Variants in MAN1C1 observed in about 807,000 individuals in gnomAD.
The protein encoded by MAN1C1 is mannosyl-oligosaccharide 1,2-alpha-mannosidase IC.
MAN1C1 carries 49 observed loss-of-function variants against 71.5 expected under a neutral mutation model. The ratio of observed to expected loss-of-function variants is 0.69; its 90% CI spans 0.54 to 0.87. The LOEUF is 0.87. Among genes scored for constraint, MAN1C1 ranks in the 40% least tolerant of loss-of-function variants. MAN1C1 has a pLI of 0.00. For synonymous variants in MAN1C1, 352 were observed against 343.7 expected (o/e 1.02, Z -0.27); for missense variants, 743 against 835.0 (o/e 0.89, Z 1.36).
intron 2 of MAN1C1, among the ~76,000 whole-genome samples, chr1:25,736,818 CA>C (rs2046989166): frequency 6.6e-6 from 1 of 152,220 alleles, no homozygotes; most frequent in African/African-American, 2.4e-5. Flanking sequence ...TGAGCCACTG[CA>C]CCCCGGCTCA....
At chr1:25,627,555 G>A (rs553590755) in intron 1 of MAN1C1, among the ~76,000 whole-genome samples, 27 of 152,286 alleles carry the variant, frequency 1.8e-4, no homozygotes, top group Middle Eastern at 3.4e-3. Context: ...GATTACAGGC[G>A]TGAGCCACTG....
At chr1:25,637,599 T>A (rs1462206045) in intron 1 of MAN1C1, among the ~76,000 whole-genome samples, 1 of 139,810 alleles carries the variant, frequency 7.2e-6, no homozygotes, top group Non-Finnish European at 1.6e-5. Flanking sequence ...AAACTATGTA[T>A]TTTTTTTTTT....
At chr1:25,749,415 C>A in intron 4 of MAN1C1, 80 bp downstream of exon 4, 1 of 1,247,964 alleles carries the variant, frequency 8.0e-7, no homozygotes, top group Non-Finnish European at 1.1e-6. Context: ...CCCCTCATGC[C>A]ATCCATGGGA....
At chr1:25,687,164 C>A (rs2124180083) in intron 2 of MAN1C1, among the ~76,000 whole-genome samples, 1 of 152,298 alleles carries the variant, frequency 6.6e-6, no homozygotes, top group South Asian at 2.1e-4. Flanking sequence ...TCACAAGCTA[C>A]TCGGAAGCCA....
intron 2 of MAN1C1, among the ~76,000 whole-genome samples, chr1:25,712,997 AG>A (rs1351478170): frequency 6.6e-6 from 1 of 152,248 alleles, no homozygotes; most frequent in Non-Finnish European, 1.5e-5. Context: ...TCATCTATGC[AG>A]TTGTCCAATA....
intron 1 of MAN1C1, among the ~76,000 whole-genome samples, chr1:25,642,403 C>A (rs958698426): frequency 6.6e-6 from 1 of 152,246 alleles, no homozygotes; most frequent in East Asian, 1.9e-4. Flanking sequence ...TCATCTCAGC[C>A]ATGCCAGGTG....
chr1:25,696,469 C>A (rs1013003917), intron 2 of MAN1C1, among the ~76,000 whole-genome samples: 1 of 152,012 alleles, frequency 6.6e-6, no homozygotes, highest in African/African-American at 2.4e-5. Context: ...AACATGTCTA[C>A]ATTAAATTGC....
chr1:25,661,279 A>G (rs1337695366), intron 1 of MAN1C1, among the ~76,000 whole-genome samples: 1 of 152,142 alleles, frequency 6.6e-6, no homozygotes, highest in Admixed American at 6.5e-5. Flanking sequence ...CCCGAGTCCC[A>G]TTTCATTCAC....
intron 1 of MAN1C1, among the ~76,000 whole-genome samples, chr1:25,627,964 C>T (rs1420877583): frequency 2.6e-5 from 4 of 151,968 alleles, no homozygotes; most frequent in Admixed American, 2.6e-4. Context: ...GGGAGGATCA[C>T]TTGAGCCAGG....
chr1:25,775,728 G>A lies in MAN1C1; in HGVS notation c.1258-2377G>A, dbSNP rs917446400. On this transcript the variant is annotated intron_variant, in intron 8 of 11. Coordinates refer to ENST00000374332, the MANE Select transcript of MAN1C1 (RefSeq NM_020379.4). This position sits in a 1 kb window ranked among gnomAD's most constrained non-coding sequence, Gnocchi z 5.1. Reference sequence around the variant, plus strand: ...AGCAGAGTCAGGGCTGGAGCATGCAGGAAGGAGGCGCAGCACCAGCTAAGC... The same window carrying A: ...AGCAGAGTCAGGGCTGGAGCATGCAAGAAGGAGGCGCAGCACCAGCTAAGC... Among the ~76,000 whole-genome samples the A allele has an allele frequency of 1.3e-5, 2 of 150,760 alleles. No individual in the cohort carries two copies. Among genetic ancestry groups the A allele is most frequent in the African/African-American group, 4.9e-5 (2 of 40,672 alleles).
intron 2 of MAN1C1, among the ~76,000 whole-genome samples, chr1:25,720,513 C>T (rs945911355): frequency 1.2e-4 from 18 of 152,244 alleles, no homozygotes; most frequent in African/African-American, 4.1e-4. Flanking sequence ...ACCCAGCTGC[C>T]CATATTTTAA....
intron 1 of MAN1C1, among the ~76,000 whole-genome samples, chr1:25,627,949 G>A (rs1228167322): frequency 2.0e-5 from 3 of 152,054 alleles, no homozygotes; most frequent in South Asian, 2.1e-4. Context: ...GAAAAGCTGA[G>A]AGGTGGGAGG....
At chr1:25,709,772 TCTCA>T (rs1453105050) in intron 2 of MAN1C1, 1 of 152,014 alleles carries the variant, frequency 6.6e-6, no homozygotes, top group Non-Finnish European at 1.5e-5. Context: ...TGAGATGGAG[TCTCA>T]CTCTTGTCGC....
chr1:25,703,542 G>A (rs1289002877), intron 2 of MAN1C1, among the ~76,000 whole-genome samples: 4 of 152,182 alleles, frequency 2.6e-5, no homozygotes, highest in African/African-American at 9.7e-5. Context: ...TTAGCCAGGT[G>A]TGGTGGTGCA....
intron 3 of MAN1C1, 129 bp from the exon 4 acceptor site, chr1:25,749,126 G>A (rs186289484): frequency 1.6e-6 from 1 of 634,620 alleles, no homozygotes; most frequent in Admixed American, 3.1e-5. Context: ...GAAAACCATC[G>A]TCACCTTGCC....
intron 1 of MAN1C1, chr1:25,646,472 A>G (rs1182590431): frequency 6.6e-6 from 1 of 152,234 alleles, no homozygotes; most frequent in African/African-American, 2.4e-5. Flanking sequence ...TATGTTAGCC[A>G]TTTTAAAATG....
In MAN1C1 at chr1:25,775,492, G is replaced by A. The variant is rs987786532; in HGVS notation, c.1258-2613G>A. 2.6e-5 allele frequency among the ~76,000 whole-genome samples: 4 copies of A among 152,210 alleles called. No individual in the cohort carries two copies. The highest frequency in any genetic ancestry group is 6.5e-5 in the Admixed American group (1 of 15,282). On this transcript the variant is annotated intron_variant, in intron 8 of 11. Coordinates refer to ENST00000374332, the MANE Select transcript of MAN1C1 (RefSeq NM_020379.4). The surrounding 1 kb of genome is among the most constrained non-coding windows in gnomAD (Gnocchi z 5.1). The stretch of plus-strand genomic sequence containing the variant: ...GTTCCTTGAGCATCTTCTGTGTGTC[G>A]GGCACTGGCTGGAGGCTGCTGCTGG...
At chr1:25,687,446 G>T in intron 2 of MAN1C1, among the ~76,000 whole-genome samples, 1 of 152,304 alleles carries the variant, frequency 6.6e-6, no homozygotes, top group East Asian at 1.9e-4. Context: ...TCCCCTGAGG[G>T]ACAGGAGTGG....
chr1:25,782,656 C>T lies in MAN1C1; in HGVS notation c.1722C>T (p.Asn574=). Residue 574 remains asparagine (N), a synonymous_variant, in exon 11 of 12, where the codon AAC becomes AAT. Coordinates refer to ENST00000374332, the MANE Select transcript of MAN1C1 (RefSeq NM_020379.4). The surrounding 1 kb of genome is among the most constrained non-coding windows in gnomAD (Gnocchi z 4.4). ...AAGACGTGTACAGTAGCACCCCCAA[C>T]CACGACAACAAGCAGCAGAGCTTCT... The part of the protein sequence containing the change: ...GIQDVYSSTP[N]HDNKQQSFFL... 6.2e-7 allele frequency: 1 copy of T among 1,614,132 alleles called. No homozygotes were observed. The highest frequency in any genetic ancestry group is 8.5e-7 in the Non-Finnish European group (1 of 1,180,016).
Sources: gnomAD v4.1 joint callset for allele counts (sites outside exome capture counted in the v4.1 genomes callset) on GRCh38, gnomAD v4.1.1 for gene constraint, Gnocchi (gnomAD v3.1) non-coding constraint, MANE v1.5 for transcripts, NCBI Gene and HGNC (gene_info 2026-07-23, HGNC 2026-07-21) for gene names.